Variants in ENTPD1 observed in about 807,000 individuals in gnomAD.
ENTPD1 encodes ectonucleoside triphosphate diphosphohydrolase 1, also known as ATP diphosphohydrolase.
ENTPD1 carries 33 observed loss-of-function variants against 57.0 expected under a neutral mutation model. The observed-to-expected ratio is 0.58, with a 90% CI of 0.44 to 0.77. ENTPD1 has a LOEUF of 0.77. Ranked by LOEUF, ENTPD1 falls within the 30% of genes least tolerant of loss-of-function variation. The pLI is 0.00. For synonymous variants in ENTPD1, 202 were observed against 218.8 expected, an observed-to-expected ratio of 0.92 and a Z score of 0.68; for missense variants, 501 against 603.4, an observed-to-expected ratio of 0.83 and a Z score of 1.78.
intron 1 of ENTPD1, among the ~76,000 whole-genome samples, chr10:95,807,742 T>G (rs1326802503): frequency 6.6e-6 from 1 of 152,154 alleles, no homozygotes; most frequent in South Asian, 2.1e-4. Flanking sequence ...GTGTATGGAG[T>G]GTTAGGGAGC....
upstream of ENTPD1, among the ~76,000 whole-genome samples, chr10:95,709,414 G>A (rs539686128): frequency 4.0e-5 from 6 of 150,540 alleles, no homozygotes; most frequent in East Asian, 3.9e-4. Flanking sequence ...ACGAAGTTTC[G>A]CTTTTGTTGC....
intron 1 of ENTPD1, among the ~76,000 whole-genome samples, chr10:95,819,865 TTC>T (rs1334357932): frequency 2.6e-5 from 4 of 152,228 alleles, no homozygotes; most frequent in Non-Finnish European, 4.4e-5. Flanking sequence ...TTTGTTGAAA[TTC>T]TGTTTCGAAA....
intron 1 of ENTPD1, among the ~76,000 whole-genome samples, chr10:95,758,214 T>A (rs2098038711): frequency 6.6e-6 from 1 of 152,122 alleles, no homozygotes; most frequent in Admixed American, 6.5e-5. Flanking sequence ...TTTAAGGGCC[T>A]ATCTGGTACT....
At chr10:95,835,166 C>T (rs906176403) in intron 2 of ENTPD1, among the ~76,000 whole-genome samples, 5 of 152,192 alleles carry the variant, frequency 3.3e-5, no homozygotes, top group African/African-American at 1.2e-4. Flanking sequence ...CAACGTTTAG[C>T]TTCCACTTAT....
chr10:95,873,231 A>C lies in ENTPD1; in HGVS notation c.*6848A>C. ...AGTTTCTTTTACAGGCTCTCAGATC[A>C]GTGTTCATCCACTACCTGACTACTG... On this transcript the variant is annotated 3_prime_UTR_variant, in exon 10 of 10. Coordinates refer to ENST00000371205, the MANE Select transcript of ENTPD1 (RefSeq NM_001776.6). 1 of 985,342 alleles carries C rather than the reference A, an allele frequency of 1.0e-6. No individual in the cohort carries two copies. Among genetic ancestry groups the C allele is most frequent in the South Asian group, 4.7e-5 (1 of 21,286 alleles). The allele number at this position is 985,342 out of a possible 1,614,324, so 61.0% of individuals were successfully genotyped here. A position where few individuals can be genotyped will look rare whatever the true frequency, so the allele number is the denominator to read the frequency against.
At chr10:95,726,681 C>T (rs2097984004) in intron 1 of ENTPD1, among the ~76,000 whole-genome samples, 1 of 152,164 alleles carries the variant, frequency 6.6e-6, no homozygotes, top group Admixed American at 6.5e-5. Context: ...TGTTGTTTCT[C>T]TCTCTTTACT....
chr10:95,724,616 TG>T (rs1474362160), intron 1 of ENTPD1, among the ~76,000 whole-genome samples: 2 of 152,188 alleles, frequency 1.3e-5, no homozygotes. Flanking sequence ...GCAGGAACAA[TG>T]GCGAGCCTTT....
In ENTPD1 at chr10:95,842,382, ATAGGCATT is replaced by A; in HGVS notation, c.304_311del (p.Gly102ProfsTer3). 6.2e-7 allele frequency: 1 copy of A among 1,614,054 alleles called. No homozygotes were observed. Among genetic ancestry groups the A allele is most frequent in the Non-Finnish European group, 8.5e-7 (1 of 1,179,928 alleles). ...AAAATTTGTTCAGAAAGTAAATGAAATAGGCATTTACCTGACTGATTGCATGGAAAGAG... is the reference window on the plus strand; with the variant it reads ...AAAATTTGTTCAGAAAGTAAATGAAATACCTGACTGATTGCATGGAAAGAG... On this transcript the variant is annotated frameshift_variant, in exon 4 of 10. Transcript: ENST00000371205. LOFTEE classifies it high-confidence loss of function.
Position 95,868,385 on chromosome 10 carries a change from G to A in ENTPD1, c.*2002G>A. Reference sequence around the variant, plus strand: ...TAGGCTTGTAATTTAATATCATTCTGTTCATGTGCTTTGGATGGAAGCACA... The same window carrying A: ...TAGGCTTGTAATTTAATATCATTCTATTCATGTGCTTTGGATGGAAGCACA... On this transcript the variant is annotated 3_prime_UTR_variant, in exon 10 of 10. Coordinates refer to ENST00000371205, the MANE Select transcript of ENTPD1 (RefSeq NM_001776.6). 1.0e-5 allele frequency: 10 copies of A among 985,420 alleles called. No homozygotes were observed. The highest frequency in any genetic ancestry group is 1.2e-5 in the Non-Finnish European group (10 of 829,930). 61.0% of individuals were successfully genotyped at this position (985,420 alleles called of 1,614,324 possible).
chr10:95,703,619 T>C, the ENTPD1 span, among the ~76,000 whole-genome samples: 3 of 151,576 alleles, frequency 2.0e-5, no homozygotes, highest in Non-Finnish European at 4.4e-5. Context: ...CTGTCTCTAC[T>C]GAAAATACAA....
chr10:95,858,902 A>G (rs1417078765), intron 7 of ENTPD1, among the ~76,000 whole-genome samples: 1 of 152,190 alleles, frequency 6.6e-6, no homozygotes, highest in African/African-American at 2.4e-5. Context: ...AGGGATTTCT[A>G]TAAAGGATTG....
intron 1 of ENTPD1, among the ~76,000 whole-genome samples, chr10:95,716,074 C>G (rs1009564435): frequency 6.6e-6 from 1 of 152,170 alleles, no homozygotes; most frequent in African/African-American, 2.4e-5. Context: ...CTATGTGGCC[C>G]ATGCTGGTCT....
chr10:95,709,255 A>T (rs950514237), upstream of ENTPD1, among the ~76,000 whole-genome samples: 13 of 152,186 alleles, frequency 8.5e-5, no homozygotes, highest in Admixed American at 7.9e-4. Context: ...GTGTGTGTGT[A>T]TATTTAGTTC....
intron 1 of ENTPD1, among the ~76,000 whole-genome samples, chr10:95,733,119 A>G (rs2097991072): frequency 6.6e-6 from 1 of 152,182 alleles, no homozygotes; most frequent in South Asian, 2.1e-4. Flanking sequence ...ACCATAAAAG[A>G]CAGACATTCC....
intron 1 of ENTPD1, among the ~76,000 whole-genome samples, chr10:95,797,392 G>A (rs1389309742): frequency 6.6e-6 from 1 of 152,126 alleles, no homozygotes; most frequent in Non-Finnish European, 1.5e-5. Context: ...CATAAAGACT[G>A]GGGACTTGTC....
intron 2 of ENTPD1, among the ~76,000 whole-genome samples, chr10:95,831,566 G>A (rs547973701): frequency 6.6e-6 from 1 of 152,280 alleles, no homozygotes; most frequent in East Asian, 1.9e-4. Context: ...TATCATTTTT[G>A]CAGCTTACCT....
chr10:95,806,297 T>A (rs2098272228), intron 1 of ENTPD1, among the ~76,000 whole-genome samples: 1 of 152,240 alleles, frequency 6.6e-6, no homozygotes, highest in Admixed American at 6.5e-5. Flanking sequence ...TAATGAAGGT[T>A]GTGCATGTGT....
chr10:95,840,034 C>T (rs924236139), intron 3 of ENTPD1, among the ~76,000 whole-genome samples: 2 of 152,190 alleles, frequency 1.3e-5, no homozygotes, highest in Admixed American at 6.5e-5. Context: ...TTAATAGTAG[C>T]TCCCATCAAC....
rs7900229 is a variant in ENTPD1, at chr10:95,809,827, C to T, written c.17-13410C>T. ...GCAGAAGTGCTCCCCACTTCCCAGA[C>T]GGGGCAGCGGCCGGGCTGAGATGCT... On this transcript the variant is annotated intron_variant, in intron 1 of 9. Coordinates refer to ENST00000371205, the MANE Select transcript of ENTPD1 (RefSeq NM_001776.6). Among the ~76,000 whole-genome samples, 425 of 148,606 alleles carry T rather than the reference C, an allele frequency of 2.9e-3. 2 individuals are homozygous for T. The highest frequency in any genetic ancestry group is 7.5e-3 in the African/African-American group (302 of 40,026).
Sources: allele counts gnomAD v4.1 joint callset (sites outside exome capture counted in the v4.1 genomes callset), GRCh38; gene constraint gnomAD v4.1.1; transcripts MANE v1.5; gene names NCBI Gene and HGNC (gene_info 2026-07-23, HGNC 2026-07-21).